The following TMC7 variants were observed in gnomAD, a reference collection of about 807,000 sequenced individuals.
TMC7 encodes the protein transmembrane channel like 7, also known as transmembrane channel-like protein 7.
In TMC7, 54 loss-of-function variants were observed where a neutral mutation model predicts 82.9. That is an observed-to-expected ratio of 0.65 (90% CI 0.52 to 0.82). The LOEUF (loss-of-function observed/expected upper bound fraction) is 0.82. TMC7 is among the 40% of genes least tolerant of loss of function. The probability of loss-of-function intolerance (pLI) is 0.00; values close to 1 mark genes in which losing one functional copy is unlikely to be tolerated. For synonymous variants in TMC7, 350 were observed against 337.9 expected, an observed-to-expected ratio of 1.04 and a Z score of -0.39; for missense variants, 820 against 901.2, an observed-to-expected ratio of 0.91 and a Z score of 1.15.
Position 19,021,743 on chromosome 16 carries a change from C to G in TMC7, c.575C>G (p.Thr192Arg). ...FMLVLLPVLL[T>R]KYKITNSSFV... ...CTGGTTTTGCTCCCAGTCTTACTCA[C>G]GAAATACAAGATCACCAACAGCAGC... The change falls in exon 4 of 16, where the codon ACG becomes AGG. Residue 192 changes from threonine to arginine, a missense_variant. By Grantham distance (71) the Thr-to-Arg change is moderately conservative. Around this residue, in one of 2 missense-constraint regions of TMC7, gnomAD observed 650 missense variants for 669.9 expected, o/e 0.97. Coordinates refer to ENST00000304381, the MANE Select transcript of TMC7 (RefSeq NM_024847.4). 6.2e-7 allele frequency: 1 copy of G among 1,614,102 alleles called. No homozygotes were observed. The highest frequency in any genetic ancestry group is 2.2e-5 in the East Asian group (1 of 44,880).
At position 19,023,181 on chromosome 16, in the gene TMC7, T is replaced by C; in HGVS notation, c.697T>C (p.Leu233=). Residue 233 remains leucine (L), a synonymous_variant, in exon 5 of 16, where the codon TTG becomes CTG. Coordinates refer to ENST00000304381, the MANE Select transcript of TMC7 (RefSeq NM_024847.4). ...LIYFYSYIID[L]LSGTGFLEET... is the part of the protein sequence containing the mutation. Reference sequence around the variant, plus strand: ...TTACTTTTACAGTTATATCATAGACTTGCTTTCTGGCACTGTAAGTATTTA... The same window carrying C: ...TTACTTTTACAGTTATATCATAGACCTGCTTTCTGGCACTGTAAGTATTTA... 1 of 1,600,114 alleles carries C rather than the reference T, an allele frequency of 6.2e-7. No individual in the cohort carries two copies. The highest frequency in any genetic ancestry group is 8.6e-7 in the Non-Finnish European group (1 of 1,168,248).
intron 1 of TMC7, among the ~76,000 whole-genome samples, chr16:19,006,058 C>T (rs1309890851): frequency 6.6e-6 from 1 of 152,200 alleles, no homozygotes; most frequent in African/African-American, 2.4e-5. Flanking sequence ...CCTGCCCATC[C>T]TCATCCGGTT....
At position 19,056,844 on chromosome 16, in the gene TMC7, G is replaced by A. The variant is rs1400161200; in HGVS notation, c.2027+147G>A. The A allele has an allele frequency of 4.3e-6, 4 of 935,860 alleles. No homozygotes were observed. The East Asian group carries it at 1.0e-4, about 24-fold the overall frequency. The allele number at this position is 935,860 out of a possible 1,614,324, so 58.0% of individuals were successfully genotyped here. A position where few individuals can be genotyped will look rare whatever the true frequency, so the allele number is the denominator to read the frequency against. On this transcript the variant is annotated intron_variant, in intron 14 of 15. Coordinates refer to ENST00000304381, the MANE Select transcript of TMC7 (RefSeq NM_024847.4). ...CCCATCTCTAAAATGGGCATAATAG[G>A]CCAGGCGCGGTGGCTCATGCCTGTA...
chr16:18,987,572 C>T (rs950739423), intron 1 of TMC7, among the ~76,000 whole-genome samples: 3 of 152,164 alleles, frequency 2.0e-5, no homozygotes, highest in Non-Finnish European at 2.9e-5. Context: ...TCCCAAAGTA[C>T]TGGGATTACA....
rs1448978010 is a variant in TMC7 at position 19,003,411 on chromosome 16, G to T, written c.68-5761G>T. On this transcript the variant is annotated intron_variant, in intron 1 of 15. Coordinates refer to ENST00000304381, the MANE Select transcript of TMC7 (RefSeq NM_024847.4). ...GCCCCGTCCGGGAGGGAGGTGGGGG[G>T]GGTCAGCCCCCCTGCCCGGCCAGCC... Among the ~76,000 whole-genome samples the T allele has an allele frequency of 1.2e-4, 18 of 149,280 alleles. No homozygotes were observed. In the East Asian group the frequency reaches 2.4e-3, roughly 20 times the overall value.
At chr16:19,058,655 T>C (rs1016159638) in intron 14 of TMC7, among the ~76,000 whole-genome samples, 1 of 152,180 alleles carries the variant, frequency 6.6e-6, no homozygotes, top group African/African-American at 2.4e-5. Context: ...CACTGCCAAA[T>C]AAAAACTTCA....
At chr16:19,033,256 T>C (rs1208281646) in intron 6 of TMC7, among the ~76,000 whole-genome samples, 2 of 152,204 alleles carry the variant, frequency 1.3e-5, no homozygotes, top group Non-Finnish European at 2.9e-5. Flanking sequence ...TGGCACCTTA[T>C]AGACATTTAT....
At chr16:19,030,425 G>C in intron 6 of TMC7, 56 bp downstream of exon 6, 1 of 1,548,524 alleles carries the variant, frequency 6.5e-7, no homozygotes, top group Non-Finnish European at 8.7e-7. Flanking sequence ...GAGGCTATTG[G>C]AGATATGGGA....
intron 13 of TMC7, among the ~76,000 whole-genome samples, chr16:19,054,697 C>G (rs951973883): frequency 2.2e-5 from 3 of 138,808 alleles, no homozygotes; most frequent in Non-Finnish European, 3.1e-5. Context: ...GCCTGGGCAA[C>G]AAGAGTGTAA....
At chr16:19,001,511 T>G (rs1346513660) in intron 1 of TMC7, among the ~76,000 whole-genome samples, 3 of 152,114 alleles carry the variant, frequency 2.0e-5, no homozygotes, top group Non-Finnish European at 4.4e-5. Context: ...CGAGACCTCA[T>G]CTCTATTAAA....
chr16:19,015,830 C>A (rs1959658872), intron 2 of TMC7, among the ~76,000 whole-genome samples: 1 of 152,000 alleles, frequency 6.6e-6, no homozygotes, highest in Non-Finnish European at 1.5e-5. Context: ...CCTGCCTCAG[C>A]CTCCCAAAGT....
At chr16:19,025,263 A>C (rs1234163757) in intron 5 of TMC7, among the ~76,000 whole-genome samples, 2 of 152,188 alleles carry the variant, frequency 1.3e-5, no homozygotes, top group African/African-American at 4.8e-5. Flanking sequence ...CTAGGTGTTT[A>C]AGAAATACAA....
At chr16:19,058,740 C>G (rs1421789345) in intron 14 of TMC7, among the ~76,000 whole-genome samples, 1 of 152,170 alleles carries the variant, frequency 6.6e-6, no homozygotes, top group Non-Finnish European at 1.5e-5. Context: ...GGGTCTGGCT[C>G]TGTTGCCCAG....
intron 5 of TMC7, among the ~76,000 whole-genome samples, chr16:19,024,547 T>C (rs1960132593): frequency 1.3e-5 from 2 of 152,128 alleles, no homozygotes; most frequent in South Asian, 4.1e-4. Context: ...CTATTGATAT[T>C]CTTTTTTTTT....
intron 1 of TMC7, among the ~76,000 whole-genome samples, chr16:18,988,435 G>A (rs908021810): frequency 1.1e-4 from 16 of 151,612 alleles, no homozygotes; most frequent in Non-Finnish European, 2.4e-4. Context: ...GACTACAGGC[G>A]CATGCAACCA....
intron 2 of TMC7, among the ~76,000 whole-genome samples, chr16:19,014,381 A>ATC (rs1959567449): frequency 6.6e-6 from 1 of 152,100 alleles, no homozygotes; most frequent in South Asian, 2.1e-4. Flanking sequence ...AGAACCACTG[A>ATC]TCTAAGGGTA....
At chr16:19,018,901 A>C (rs141303955) in intron 3 of TMC7, among the ~76,000 whole-genome samples, 173 of 152,316 alleles carry the variant, frequency 1.1e-3, no homozygotes, top group Admixed American at 2.1e-3. Flanking sequence ...CCCAGGCCGG[A>C]GGGCAATGGT....
At chr16:19,000,263 C>T (rs57794232) in intron 1 of TMC7, among the ~76,000 whole-genome samples, 2,041 of 151,516 alleles carry the variant, frequency 0.013, 38 homozygotes, top group African/African-American at 0.045. Context: ...GCCAAGAGTT[C>T]GAGGGCAGCC....
At chr16:19,004,475 C>A (rs2142157021) in intron 1 of TMC7, among the ~76,000 whole-genome samples, 1 of 152,218 alleles carries the variant, frequency 6.6e-6, no homozygotes, top group East Asian at 1.9e-4. Context: ...AGCAATTCTC[C>A]TGCCTCAGCC....
Sources: allele counts gnomAD v4.1 joint callset (sites outside exome capture counted in the v4.1 genomes callset), GRCh38; gene constraint gnomAD v4.1.1; regional missense constraint gnomAD v4.1.1; transcripts MANE v1.5; gene names NCBI Gene and HGNC (gene_info 2026-07-23, HGNC 2026-07-21).